The following SNX30 variants were observed in gnomAD, a reference collection of about 807,000 sequenced individuals.
SNX30 encodes the protein sorting nexin family member 30.
In SNX30, 24 loss-of-function variants were observed where a neutral mutation model predicts 46.4. The observed-to-expected ratio is 0.52, with a 90% CI of 0.37 to 0.73. The LOEUF (loss-of-function observed/expected upper bound fraction) is 0.73, where lower values mean the gene tolerates loss of function less well. Ranked by LOEUF, SNX30 falls within the 30% of genes least tolerant of loss-of-function variation. The pLI, the probability that SNX30 is intolerant of heterozygous loss-of-function variation, is 0.00. For missense variants in SNX30, 533 were observed against 555.7 expected (o/e 0.96, Z 0.41); for synonymous variants, 189 against 211.5 (o/e 0.89, Z 0.92).
chr9:112,778,818 G>A (rs1839793656), intron 1 of SNX30, among the ~76,000 whole-genome samples: 1 of 151,854 alleles, frequency 6.6e-6, no homozygotes, highest in South Asian at 2.1e-4. Context: ...GAGGCAGGTG[G>A]ATGAACAGGC....
At chr9:112,774,371 AG>A in intron 1 of SNX30, among the ~76,000 whole-genome samples, 1 of 152,304 alleles carries the variant, frequency 6.6e-6, no homozygotes, top group South Asian at 2.1e-4. Context: ...TGGGTCTGTA[AG>A]GTCATGTTAC....
intron 1 of SNX30, among the ~76,000 whole-genome samples, chr9:112,773,038 T>TA (rs768514940): frequency 6.6e-6 from 1 of 152,236 alleles, no homozygotes; most frequent in Non-Finnish European, 1.5e-5. Flanking sequence ...AAAGCATACT[T>TA]ACCACCTCTT....
intron 6 of SNX30, among the ~76,000 whole-genome samples, chr9:112,843,775 C>T (rs564365375): frequency 3.9e-4 from 60 of 152,026 alleles, no homozygotes; most frequent in African/African-American, 1.1e-3. Context: ...CCACCACGCC[C>T]GGCTAATTTT....
In SNX30 at chr9:112,751,177, G is replaced by A; in HGVS notation, c.156+20G>A. On this transcript the variant is annotated intron_variant, in intron 1 of 8. Coordinates refer to ENST00000374232, the MANE Select transcript of SNX30 (RefSeq NM_001012994.2). The stretch of plus-strand genomic sequence containing the variant: ...GACAAGGTGGGGCGCCTGGGGCCGG[G>A]GAGTGGGAGGCTTATTTCGCTCCCC... 3 of 1,477,138 alleles carry A rather than the reference G, an allele frequency of 2.0e-6. No homozygotes were observed. The highest frequency in any genetic ancestry group is 2.7e-6 in the Non-Finnish European group (3 of 1,114,920). 91.5% of individuals were successfully genotyped at this position (1,477,138 alleles called of 1,614,324 possible).
At chr9:112,805,288 A>C (rs1040489495) in intron 2 of SNX30, among the ~76,000 whole-genome samples, 5 of 152,084 alleles carry the variant, frequency 3.3e-5, no homozygotes, top group African/African-American at 1.2e-4. Context: ...TTTATGAATC[A>C]TTGTATCAAC....
intron 6 of SNX30, among the ~76,000 whole-genome samples, chr9:112,843,465 A>G (rs1475368986): frequency 6.6e-6 from 1 of 151,960 alleles, no homozygotes; most frequent in Non-Finnish European, 1.5e-5. Context: ...CGGAGGATGG[A>G]GCATTTTAGG....
intron 6 of SNX30, among the ~76,000 whole-genome samples, chr9:112,842,865 G>GA: frequency 6.6e-6 from 1 of 152,370 alleles, no homozygotes; most frequent in Non-Finnish European, 1.5e-5. Context: ...GCTTGTACTA[G>GA]AAAGACGGTT....
intron 7 of SNX30, among the ~76,000 whole-genome samples, chr9:112,860,794 A>G (rs750891671): frequency 1.4e-4 from 22 of 152,352 alleles, no homozygotes; most frequent in Non-Finnish European, 2.8e-4. Flanking sequence ...TTTATAACAC[A>G]TGGAATAAAG....
chr9:112,880,785 A>C (rs1012026257), intron 5 of SNX30, among the ~76,000 whole-genome samples: 1 of 152,126 alleles, frequency 6.6e-6, no homozygotes, highest in Non-Finnish European at 1.5e-5. Flanking sequence ...TCACTGGTAG[A>C]CTGAAATTTT....
intron 2 of SNX30, among the ~76,000 whole-genome samples, chr9:112,807,456 C>G (rs193190012): frequency 6.6e-6 from 1 of 152,204 alleles, no homozygotes; most frequent in African/African-American, 2.4e-5. Flanking sequence ...CACTACACCA[C>G]TGGGCACCTA....
intron 7 of SNX30, among the ~76,000 whole-genome samples, chr9:112,858,602 A>G (rs1030623255): frequency 6.6e-6 from 1 of 152,248 alleles, no homozygotes; most frequent in African/African-American, 2.4e-5. Context: ...CAAAAAATCA[A>G]AGGTGGAAGA....
chr9:112,864,395 A>G lies in SNX30; in HGVS notation c.1250A>G (p.Glu417Gly), dbSNP rs1256557529. 6.2e-7 allele frequency: 1 copy of G among 1,614,050 alleles called. No homozygotes were observed. The highest frequency in any genetic ancestry group is 1.3e-5 in the African/African-American group (1 of 74,946). ...GCTGACAAGAACATCCAGTATTATGAGAAGGTAATGAGTGTGCCCAACAAG... is the reference window on the plus strand; with the variant it reads ...GCTGACAAGAACATCCAGTATTATGGGAAGGTAATGAGTGTGCCCAACAAG... Reference protein sequence around the residue: ...GMADKNIQYYEKCLMAWESII... With the variant: ...GMADKNIQYYGKCLMAWESII... Residue 417 changes from glutamate (E) to glycine (G), a missense_variant, in exon 8 of 9, where the codon GAG becomes GGG. Transcript: ENST00000374232.
At chr9:112,879,323 C>T, downstream of SNX30, 1 of 158,804 alleles carries the variant, frequency 6.3e-6, no homozygotes, top group Non-Finnish European at 1.4e-5. Flanking sequence ...TGTGATAATG[C>T]ACGCTTTGAG....
At chr9:112,856,416 T>G (rs1588140207) in intron 7 of SNX30, among the ~76,000 whole-genome samples, 1 of 92,202 alleles carries the variant, frequency 1.1e-5, no homozygotes, top group Non-Finnish European at 2.2e-5. Context: ...GTGGTGTGTG[T>G]GGGGTATGTA....
chr9:112,796,638 A>G (rs7030460), intron 1 of SNX30, among the ~76,000 whole-genome samples: 122,286 of 152,120 alleles, frequency 0.8, 49,159 homozygotes, highest in South Asian at 0.87. Context: ...CTTCTGTGAA[A>G]AATGGTACCC....
chr9:112,857,458 A>T (rs1489151454), intron 7 of SNX30, among the ~76,000 whole-genome samples: 1 of 152,112 alleles, frequency 6.6e-6, no homozygotes, highest in Admixed American at 6.5e-5. Context: ...CAGAGGGCAG[A>T]GGACCAATCT....
intron 3 of SNX30, among the ~76,000 whole-genome samples, chr9:112,819,829 G>A (rs1840464952): frequency 6.6e-6 from 1 of 152,164 alleles, no homozygotes; most frequent in Non-Finnish European, 1.5e-5. Context: ...ACCTATCCAG[G>A]GCACGTGCTG....
At chr9:112,762,470 A>G (rs1839456885) in intron 1 of SNX30, among the ~76,000 whole-genome samples, 1 of 151,924 alleles carries the variant, frequency 6.6e-6, no homozygotes, top group Non-Finnish European at 1.5e-5. Flanking sequence ...TGAAGAAGAG[A>G]GACACATCAA....
intron 1 of SNX30, among the ~76,000 whole-genome samples, chr9:112,791,270 TC>T (rs1157931598): frequency 6.6e-6 from 1 of 152,170 alleles, no homozygotes; most frequent in African/African-American, 2.4e-5. Context: ...ATTTGCCTGT[TC>T]TGACATTTCA....
Sources: gnomAD v4.1 joint callset for allele counts (sites outside exome capture counted in the v4.1 genomes callset) on GRCh38, gnomAD v4.1.1 for gene constraint, MANE v1.5 for transcripts, NCBI Gene and HGNC (gene_info 2026-07-23, HGNC 2026-07-21) for gene names.